The following FHIT variants were observed in gnomAD, a reference collection of about 807,000 sequenced individuals.
FHIT encodes fragile histidine triad diadenosine triphosphatase.
FHIT carries 19 observed loss-of-function variants against 17.9 expected under a neutral mutation model. The observed-to-expected ratio is 1.06, with a 90% CI of 0.74 to 1.56. FHIT has a LOEUF of 1.56. FHIT is among the 40% of genes most tolerant of loss of function. The pLI is 0.00. For missense variants in FHIT, 248 were observed against 189.2 expected (o/e 1.31, Z -1.82); for synonymous variants, 81 against 69.7 (o/e 1.16, Z -0.81).
intron 4 of FHIT, among the ~76,000 whole-genome samples, chr3:60,591,813 T>C (rs1174264448): frequency 6.6e-6 from 1 of 152,038 alleles, no homozygotes; most frequent in Non-Finnish European, 1.5e-5. Context: ...CTTAGGCTAT[T>C]TGGAGGAGAA....
chr3:61,102,492 T>C (rs372022184), intron 2 of FHIT, among the ~76,000 whole-genome samples: 3 of 152,076 alleles, frequency 2.0e-5, no homozygotes, highest in Non-Finnish European at 4.4e-5. Flanking sequence ...CGATGTTCAT[T>C]AGGGATATTG....
In FHIT at chr3:60,697,806, A is replaced by G. The variant is rs556868274; in HGVS notation, c.-18+124113T>C. ...CAAACTAATTTACTTAAAGGAAGGC[A>G]AAGAAGCTGACCATTATAAATACAG... On this transcript the variant is annotated intron_variant, in intron 4 of 9. Coordinates refer to ENST00000492590, the MANE Select transcript of FHIT (RefSeq NM_002012.4). 8.5e-5 allele frequency among the ~76,000 whole-genome samples: 13 copies of G among 152,322 alleles called. No homozygotes were observed. The South Asian group carries it at 2.7e-3, about 32-fold the overall frequency.
intron 4 of FHIT, among the ~76,000 whole-genome samples, chr3:60,800,118 C>T (rs782023496): frequency 2.6e-5 from 4 of 152,150 alleles, no homozygotes; most frequent in Non-Finnish European, 5.9e-5. Context: ...TTCAAGCCCA[C>T]TCAGATCCTT....
chr3:60,093,116 A>T (rs1386176099), intron 5 of FHIT, among the ~76,000 whole-genome samples: 1 of 152,142 alleles, frequency 6.6e-6, no homozygotes, highest in East Asian at 1.9e-4. Flanking sequence ...TTCAAACCAC[A>T]CCACTTTCTT....
At chr3:60,961,104 G>A (rs1305669639) in intron 3 of FHIT, among the ~76,000 whole-genome samples, 2 of 152,142 alleles carry the variant, frequency 1.3e-5, no homozygotes, top group African/African-American at 4.8e-5. Context: ...GTTGTTTCCT[G>A]ATTTTTTAAT....
At chr3:60,553,520 T>TAG (rs1255759021) in intron 4 of FHIT, 19 of 146,826 alleles carry the variant, frequency 1.3e-4, no homozygotes, top group East Asian at 4.2e-4. Context: ...TATATATATA[T>TAG]AGAGAGAGAG....
chr3:60,383,995 G>A (rs192160065), intron 5 of FHIT, among the ~76,000 whole-genome samples: 10 of 152,206 alleles, frequency 6.6e-5, no homozygotes, highest in African/African-American at 1.9e-4. Flanking sequence ...TAGGACAGGC[G>A]CAGGTGGCCC....
chr3:60,337,224 T>C (rs1436283537), intron 5 of FHIT, among the ~76,000 whole-genome samples: 1 of 152,028 alleles, frequency 6.6e-6, no homozygotes, highest in Non-Finnish European at 1.5e-5. Context: ...GTAGGAAAAA[T>C]CGCAAGGTGT....
chr3:60,299,581 G>A (rs1391204007), intron 5 of FHIT, among the ~76,000 whole-genome samples: 4 of 152,038 alleles, frequency 2.6e-5, no homozygotes, highest in Non-Finnish European at 5.9e-5. Flanking sequence ...TACTGGGCAG[G>A]GGAGAAAGTC....
chr3:60,663,308 A>G (rs182623352), intron 4 of FHIT, among the ~76,000 whole-genome samples: 3 of 151,632 alleles, frequency 2.0e-5, no homozygotes, highest in East Asian at 1.9e-4. Context: ...TCAAAGATCA[A>G]TTTGGGCAGA....
chr3:59,821,909 G>A (rs182273802), intron 8 of FHIT, among the ~76,000 whole-genome samples: 7 of 152,254 alleles, frequency 4.6e-5, no homozygotes, highest in African/African-American at 1.7e-4. Flanking sequence ...CACCTGAACA[G>A]TATACACTGA....
chr3:60,910,614 G>A (rs1706693944), intron 3 of FHIT, among the ~76,000 whole-genome samples: 1 of 151,970 alleles, frequency 6.6e-6, no homozygotes, highest in Non-Finnish European at 1.5e-5. Flanking sequence ...GGGTTTCACC[G>A]TGTTAGCCAG....
chr3:59,844,195 C>T (rs926786902), intron 8 of FHIT, among the ~76,000 whole-genome samples: 4 of 152,126 alleles, frequency 2.6e-5, no homozygotes, highest in African/African-American at 9.7e-5. Context: ...TACTCTGTCT[C>T]AGGTATTCTT....
intron 5 of FHIT, among the ~76,000 whole-genome samples, chr3:60,475,515 G>C (rs191660133): frequency 3.9e-5 from 6 of 152,150 alleles, no homozygotes; most frequent in African/African-American, 1.4e-4. Flanking sequence ...GCACTTGTGC[G>C]CTTAAAACTG....
rs1705109590 is a variant in FHIT at position 59,915,850 on chromosome 3, T to G, written c.348+6496A>C. 6.6e-5 allele frequency among the ~76,000 whole-genome samples: 10 copies of G among 151,622 alleles called. No individual in the cohort carries two copies. The South Asian group carries it at 1.9e-3, about 28-fold the overall frequency. ...AGGAGGCTGAGGCAGGAGGATCACT[T>G]GAGACCCGGGGTTTGAGGCTGTAGT... is the stretch of plus-strand genomic sequence containing the variant. On this transcript the variant is annotated intron_variant, in intron 8 of 9. Coordinates refer to ENST00000492590, the MANE Select transcript of FHIT (RefSeq NM_002012.4).
intron 4 of FHIT, among the ~76,000 whole-genome samples, chr3:60,670,085 CTTTGTCTTCAAG>C: frequency 6.6e-6 from 1 of 152,270 alleles, no homozygotes; most frequent in Non-Finnish European, 1.5e-5. Context: ...CGATCTTTCT[CTTTGTCTTCAAG>C]TTTATGAAGT....
chr3:60,013,977 A>G, intron 6 of FHIT, 30 bp downstream of exon 6: 1 of 1,610,134 alleles, frequency 6.2e-7, no homozygotes, highest in South Asian at 1.1e-5. Context: ...AAGGGAAGAA[A>G]AATCATTTCT....
At chr3:60,686,350 T>C (rs2040861895) in intron 4 of FHIT, among the ~76,000 whole-genome samples, 1 of 152,212 alleles carries the variant, frequency 6.6e-6, no homozygotes, top group Non-Finnish European at 1.5e-5. Context: ...CCACTGTTTC[T>C]TCAAATATTA....
chr3:59,853,068 A>G (rs751945733), intron 8 of FHIT, among the ~76,000 whole-genome samples: 7 of 152,212 alleles, frequency 4.6e-5, no homozygotes, highest in Admixed American at 1.3e-4. Flanking sequence ...ATCATGTTGT[A>G]AGAGCATGTA....
Sources: allele counts gnomAD v4.1 joint callset (sites outside exome capture counted in the v4.1 genomes callset), GRCh38; gene constraint gnomAD v4.1.1; transcripts MANE v1.5; gene names NCBI Gene and HGNC (gene_info 2026-07-23, HGNC 2026-07-21).